Variants in EPC1 observed in about 807,000 individuals in gnomAD.
EPC1 encodes enhancer of polycomb 1.
EPC1 carries 12 observed loss-of-function variants against 98.4 expected under a neutral mutation model. The observed-to-expected ratio is 0.12, with a 90% CI of 0.08 to 0.20. The LOEUF (loss-of-function observed/expected upper bound fraction) is 0.20. Among genes scored for constraint, EPC1 ranks in the 10% least tolerant of loss-of-function variants. EPC1 has a pLI of 1.00. For synonymous variants in EPC1, 357 were observed against 363.9 expected, an observed-to-expected ratio of 0.98 and a Z score of 0.21; for missense variants, 729 against 990.5, an observed-to-expected ratio of 0.74 and a Z score of 3.54.
At chr10:32,342,806 G>A (rs1267419026) in intron 1 of EPC1, among the ~76,000 whole-genome samples, 1 of 152,102 alleles carries the variant, frequency 6.6e-6, no homozygotes, top group Non-Finnish European at 1.5e-5. Context: ...GCTCCATTTT[G>A]CTAAACATCA....
At chr10:32,364,035 A>C (rs1839525384) in intron 1 of EPC1, among the ~76,000 whole-genome samples, 1 of 33,618 alleles carries the variant, frequency 3.0e-5, no homozygotes, top group African/African-American at 8.4e-5. Flanking sequence ...TTTTTTTTAG[A>C]TGGAGTTTCA....
At chr10:32,277,165 G>T (rs1184611290) in intron 10 of EPC1, among the ~76,000 whole-genome samples, 1 of 152,158 alleles carries the variant, frequency 6.6e-6, no homozygotes, top group South Asian at 2.1e-4. Context: ...CCAACAATAT[G>T]AATCAAGTGC....
At chr10:32,356,390 G>A (rs567528093) in intron 1 of EPC1, among the ~76,000 whole-genome samples, 27 of 152,142 alleles carry the variant, frequency 1.8e-4, no homozygotes, top group Admixed American at 2.0e-4. Flanking sequence ...AGCCCATGGA[G>A]TGGGATTCTT....
intron 1 of EPC1, among the ~76,000 whole-genome samples, chr10:32,360,453 G>T (rs1052192402): frequency 1.3e-5 from 2 of 152,158 alleles, no homozygotes; most frequent in Non-Finnish European, 2.9e-5. Context: ...AAACAGTCCA[G>T]TGATAAGTAA....
rs1834940010 is a variant in EPC1, at chr10:32,293,058, C to T, written c.596G>A (p.Arg199Gln). The change falls in exon 4 of 14, where the codon CGA (arginine) becomes CAA (glutamine). Residue 199 changes from arginine to glutamine, a missense_variant. Coordinates refer to ENST00000319778, the MANE Select transcript of EPC1 (RefSeq NM_001272004.3). ...AGGATCATTTGTGCTGGAACCATCT[C>T]GCTTCTCTTGTTTTACTGATGGAAT... ...SLIPSVKQEK[R>Q]DGSSTNDPYV... 2.5e-6 allele frequency: 4 copies of T among 1,613,374 alleles called. No individual in the cohort carries two copies. Among genetic ancestry groups the T allele is most frequent in the Non-Finnish European group, 3.4e-6 (4 of 1,179,648 alleles).
intron 1 of EPC1, among the ~76,000 whole-genome samples, chr10:32,311,602 C>T (rs1836233790): frequency 6.6e-6 from 1 of 151,604 alleles, no homozygotes; most frequent in South Asian, 2.1e-4. Flanking sequence ...TTACTCCCTC[C>T]CCAAGTACAG....
chr10:32,346,365 T>C (rs1838808387), intron 1 of EPC1: 1 of 174,936 alleles, frequency 5.7e-6, no homozygotes, highest in South Asian at 9.9e-5. Flanking sequence ...GAGAGGCCTG[T>C]AGGCGGGTCC....
chr10:32,347,021 T>C lies in EPC1; in HGVS notation c.-106A>G, dbSNP rs144258182. 2.0e-6 allele frequency: 3 copies of C among 1,512,780 alleles called. No homozygotes were observed. The highest frequency in any genetic ancestry group is 2.8e-5 in the African/African-American group (2 of 72,566). 93.7% of individuals were successfully genotyped at this position (1,512,780 alleles called of 1,614,324 possible). On this transcript the variant is annotated 5_prime_UTR_variant, in exon 1 of 14. Transcript: ENST00000319778. Reference sequence around the variant, plus strand: ...CACTCGCCAACCGCTGCCGGGGACTTGAGGGGCGGAGCGCAGAGCCCGCCG... The same window carrying C: ...CACTCGCCAACCGCTGCCGGGGACTCGAGGGGCGGAGCGCAGAGCCCGCCG...
chr10:32,335,242 C>T (rs1426152799), intron 1 of EPC1, among the ~76,000 whole-genome samples: 2 of 152,028 alleles, frequency 1.3e-5, no homozygotes, highest in African/African-American at 2.4e-5. Context: ...CAACAGAGTC[C>T]AAGACATAAC....
chr10:32,273,671 T>C (rs904122995), intron 10 of EPC1, among the ~76,000 whole-genome samples: 3 of 152,118 alleles, frequency 2.0e-5, no homozygotes, highest in Admixed American at 6.6e-5. Context: ...TATCTGATAA[T>C]TACATTTGGT....
chr10:32,353,378 G>T (rs374159352), intron 1 of EPC1, among the ~76,000 whole-genome samples: 4 of 152,238 alleles, frequency 2.6e-5, no homozygotes, highest in East Asian at 3.9e-4. Flanking sequence ...TAAAAGCAAA[G>T]AATCATTTAA....
At chr10:32,307,035 C>G (rs894422284) in intron 1 of EPC1, among the ~76,000 whole-genome samples, 1 of 151,984 alleles carries the variant, frequency 6.6e-6, no homozygotes, top group African/African-American at 2.4e-5. Context: ...ATATATATTC[C>G]TATATAAATG....
chr10:32,346,434 T>C (rs1838816480), intron 1 of EPC1: 1 of 226,682 alleles, frequency 4.4e-6, no homozygotes, highest in Non-Finnish European at 8.9e-6. Flanking sequence ...CCTCTCCGGA[T>C]GCACAAGGCC....
Position 32,285,290 on chromosome 10 carries a change from A to G in EPC1, c.1392-240T>C, listed in dbSNP as rs766306801. The stretch of plus-strand genomic sequence containing the variant: ...TTTCACTTCCATTACAAAGCACCAA[A>G]ATGAATGCTTTATAAAATGTTGCGA... On this transcript the variant is annotated intron_variant, in intron 9 of 13. Coordinates refer to ENST00000319778, the MANE Select transcript of EPC1 (RefSeq NM_001272004.3). 4.9e-4 allele frequency: 205 copies of G among 414,574 alleles called. 1 individual carries two copies. The highest frequency in any genetic ancestry group is 3.3e-3 in the Middle Eastern group (5 of 1,502). The allele number at this position is 414,574 out of a possible 1,614,324, so 25.7% of individuals were successfully genotyped here.
upstream of EPC1, among the ~76,000 whole-genome samples, chr10:32,347,909 A>AT (rs1462088385): frequency 1.6e-4 from 25 of 151,684 alleles, no homozygotes; most frequent in African/African-American, 6.1e-4. Flanking sequence ...TACAAAGTAG[A>AT]TTTTTTTAAA....
At chr10:32,372,748 G>A (rs867972866) in intron 1 of EPC1, among the ~76,000 whole-genome samples, 5 of 152,248 alleles carry the variant, frequency 3.3e-5, no homozygotes, top group East Asian at 3.8e-4. Flanking sequence ...CAGGCCGGGC[G>A]CGGTGGCCCA....
intron 1 of EPC1, among the ~76,000 whole-genome samples, chr10:32,372,748 G>C (rs867972866): frequency 6.6e-6 from 1 of 152,248 alleles, no homozygotes. Flanking sequence ...CAGGCCGGGC[G>C]CGGTGGCCCA....
rs143334698 is a variant in EPC1 at position 32,353,926 on chromosome 10, C to A, written c.3+24565G>T. Among the ~76,000 whole-genome samples, 1,459 of 152,194 alleles carry A rather than the reference C, an allele frequency of 9.6e-3. 10 individuals are homozygous for A. Among genetic ancestry groups the A allele is most frequent in the Non-Finnish European group, 0.012 (848 of 67,998 alleles). ...TCTTCCACCATAACATTTAGGTAAACAAACACTGGAAGCCCTTTATAGTAT... is the reference window on the plus strand; with the variant it reads ...TCTTCCACCATAACATTTAGGTAAAAAAACACTGGAAGCCCTTTATAGTAT... On this transcript the variant is annotated intron_variant, in intron 1 of 13. Transcript: ENST00000375110.
intron 1 of EPC1, among the ~76,000 whole-genome samples, chr10:32,325,651 C>G (rs2132937183): frequency 6.6e-6 from 1 of 152,090 alleles, no homozygotes; most frequent in East Asian, 1.9e-4. Flanking sequence ...TTAAGTAAAC[C>G]ATACTAAAAG....
Sources: allele counts gnomAD v4.1 joint callset (sites outside exome capture counted in the v4.1 genomes callset), GRCh38; gene constraint gnomAD v4.1.1; transcripts MANE v1.5; gene names NCBI Gene and HGNC (gene_info 2026-07-23, HGNC 2026-07-21).